DYM: variants seen among roughly 807,000 people sequenced by gnomAD.
DYM encodes the protein dymeclin.
DYM carries 78 observed loss-of-function variants against 93.1 expected under a neutral mutation model. That is an observed-to-expected ratio of 0.84 (90% CI 0.70 to 1.01). DYM has a LOEUF of 1.01. DYM is among the 50% of genes least tolerant of loss of function. The pLI, the probability that DYM is intolerant of heterozygous loss-of-function variation, is 0.00. For missense variants in DYM, 789 were observed against 845.0 expected, an observed-to-expected ratio of 0.93 and a Z score of 0.82; for synonymous variants, 321 against 319.7, an observed-to-expected ratio of 1.00 and a Z score of -0.04.
chr18:49,265,782 A>G (rs2094560489), intron 11 of DYM, among the ~76,000 whole-genome samples: 2 of 151,190 alleles, frequency 1.3e-5, no homozygotes, highest in South Asian at 4.1e-4. Flanking sequence ...CCATCTCAAA[A>G]AAAAAAAAAA....
chr18:49,405,285 T>C (rs990576342), intron 2 of DYM, among the ~76,000 whole-genome samples: 3 of 152,218 alleles, frequency 2.0e-5, no homozygotes, highest in Non-Finnish European at 4.4e-5. Flanking sequence ...TTTGTTACAA[T>C]TGTTTTTCAG....
intron 14 of DYM, among the ~76,000 whole-genome samples, chr18:49,193,533 G>C (rs372771126): frequency 1.3e-5 from 2 of 152,280 alleles, no homozygotes; most frequent in African/African-American, 4.8e-5. Flanking sequence ...TCCCATTTTA[G>C]CTCAAATCTG....
At chr18:49,072,874 G>A (rs371034499) in intron 17 of DYM, among the ~76,000 whole-genome samples, 1 of 152,168 alleles carries the variant, frequency 6.6e-6, no homozygotes, top group African/African-American at 2.4e-5. Flanking sequence ...CATTGCTATC[G>A]TGTGCCCCTT....
chr18:49,166,760 G>A (rs1039305175), intron 14 of DYM, among the ~76,000 whole-genome samples: 1 of 152,072 alleles, frequency 6.6e-6, no homozygotes, highest in Non-Finnish European at 1.5e-5. Context: ...AGAACTTTGG[G>A]TAGTCAATTC....
chr18:49,304,723 G>A (rs775093484), intron 8 of DYM, among the ~76,000 whole-genome samples: 11 of 152,232 alleles, frequency 7.2e-5, no homozygotes, highest in Non-Finnish European at 1.2e-4. Flanking sequence ...TTTCTTGCTC[G>A]AGTCATCTGC....
chr18:49,413,187 G>A (rs1017781238), intron 2 of DYM: 1 of 152,240 alleles, frequency 6.6e-6, no homozygotes, highest in Non-Finnish European at 1.5e-5. Flanking sequence ...GATGGTCAAC[G>A]GAATTCCTCT....
At chr18:49,405,965 G>T (rs966410774) in intron 2 of DYM, among the ~76,000 whole-genome samples, 8 of 151,994 alleles carry the variant, frequency 5.3e-5, no homozygotes, top group Non-Finnish European at 7.4e-5. Flanking sequence ...GTATTCCTAG[G>T]TATTTTCTTT....
rs2094993146 is a variant in DYM at position 49,281,985 on chromosome 18, T to C, written c.1125+12A>G. On this transcript the variant is annotated intron_variant, in intron 10 of 17. Coordinates refer to ENST00000675505, the MANE Select transcript of DYM (RefSeq NM_001353214.3). ...AAATACAAACGCATGGAATGTTTAG[T>C]ATGATACTTACAAGATTTTCCATAT... is the stretch of plus-strand genomic sequence containing the variant. 1 of 1,612,104 alleles carries C rather than the reference T, an allele frequency of 6.2e-7. No homozygotes were observed. The highest frequency in any genetic ancestry group is 1.3e-5 in the African/African-American group (1 of 74,876).
intron 8 of DYM, among the ~76,000 whole-genome samples, chr18:49,314,027 G>A (rs923415622): frequency 1.3e-5 from 2 of 152,152 alleles, no homozygotes; most frequent in Non-Finnish European, 2.9e-5. Context: ...GGAGGCCAAG[G>A]CATGCAGATC....
At chr18:49,139,112 T>A (rs1040861295) in intron 15 of DYM, among the ~76,000 whole-genome samples, 2 of 152,204 alleles carry the variant, frequency 1.3e-5, no homozygotes, top group African/African-American at 2.4e-5. Flanking sequence ...TTATTGTACA[T>A]GAGGAATAGC....
At chr18:49,117,526 T>C (rs927778951) in intron 16 of DYM, among the ~76,000 whole-genome samples, 1 of 152,182 alleles carries the variant, frequency 6.6e-6, no homozygotes, top group African/African-American at 2.4e-5. Flanking sequence ...TTAGTTTTTC[T>C]ATTGAGTTAT....
chr18:49,427,143 A>G (rs1332973811), intron 2 of DYM, among the ~76,000 whole-genome samples: 1 of 152,220 alleles, frequency 6.6e-6, no homozygotes, highest in Non-Finnish European at 1.5e-5. Context: ...TAACTGGTAT[A>G]AAACATACTT....
intron 17 of DYM, among the ~76,000 whole-genome samples, chr18:49,095,765 T>C (rs1416506896): frequency 5.3e-5 from 8 of 152,206 alleles, no homozygotes; most frequent in Non-Finnish European, 1.0e-4. Context: ...TTTTTGAATA[T>C]AGTATAATAA....
At chr18:49,417,635 AAAGT>A (rs1200497038) in intron 2 of DYM, among the ~76,000 whole-genome samples, 2 of 152,252 alleles carry the variant, frequency 1.3e-5, no homozygotes, top group Non-Finnish European at 2.9e-5. Flanking sequence ...ACAAAGTGAA[AAAGT>A]GTGTATAATA....
At chr18:49,143,376 G>A (rs2084741734) in intron 15 of DYM, among the ~76,000 whole-genome samples, 1 of 152,086 alleles carries the variant, frequency 6.6e-6, no homozygotes, top group African/African-American at 2.4e-5. Flanking sequence ...AGAGAATAAA[G>A]GGCATATCTT....
intron 2 of DYM, among the ~76,000 whole-genome samples, chr18:49,395,925 G>A (rs1219601768): frequency 1.3e-5 from 2 of 152,118 alleles, no homozygotes; most frequent in East Asian, 1.9e-4. Context: ...TGGGTCATGG[G>A]GGCAGATCCC....
At position 49,067,439 on chromosome 18, in the gene DYM, G is replaced by T. The variant is rs1169019293; in HGVS notation, c.2026-23235C>A. ...TGGAGGTTCAGTAGAGGAAGGAGTA[G>T]GGTGATGTGAGCACTATGGAAGTTT... On this transcript the variant is annotated intron_variant, in intron 17 of 17. Transcript: ENST00000675505. 1.8e-3 allele frequency among the ~76,000 whole-genome samples: 252 copies of T among 141,538 alleles called. 1 individual carries two copies. Among genetic ancestry groups the T allele is most frequent in the Middle Eastern group, 3.6e-3 (1 of 278 alleles). 92.9% of individuals were successfully genotyped at this position (141,538 alleles called of 152,430 possible). A position where few individuals can be genotyped will look rare whatever the true frequency, so the allele number is the denominator to read the frequency against.
intron 17 of DYM, chr18:49,049,571 G>A (rs1432214869): frequency 1.3e-5 from 2 of 152,224 alleles, no homozygotes; most frequent in Non-Finnish European, 2.9e-5. Flanking sequence ...GATGAGATAA[G>A]CCACGTGAAG....
At chr18:49,075,923 C>T (rs2077264725) in intron 17 of DYM, among the ~76,000 whole-genome samples, 1 of 152,252 alleles carries the variant, frequency 6.6e-6, no homozygotes, top group East Asian at 1.9e-4. Context: ...AGTTTAAACC[C>T]CATACACTTA....
Sources: allele counts gnomAD v4.1 joint callset (sites outside exome capture counted in the v4.1 genomes callset), GRCh38; gene constraint gnomAD v4.1.1; transcripts MANE v1.5; gene names NCBI Gene and HGNC (gene_info 2026-07-23, HGNC 2026-07-21).